CROCC: variants seen among roughly 807,000 people sequenced by gnomAD.
The protein encoded by CROCC is rootletin.
CROCC carries 180 observed loss-of-function variants against 245.2 expected under a neutral mutation model. The observed-to-expected ratio is 0.73, with a 90% confidence interval of 0.65 to 0.83. The LOEUF is 0.83. Ranked by LOEUF, CROCC falls within the 40% of genes least tolerant of loss-of-function variation. CROCC has a pLI of 0.00. For synonymous variants in CROCC, 1,205 were observed against 1,241.6 expected (o/e 0.97, Z 0.62); for missense variants, 2,688 against 2,779.4 (o/e 0.97, Z 0.74).
intron 8 of CROCC, among the ~76,000 whole-genome samples, chr1:16,931,951 G>T (rs1257374757): frequency 6.6e-6 from 1 of 150,904 alleles, no homozygotes; most frequent in Non-Finnish European, 1.5e-5. Context: ...TATTTTAGTA[G>T]AGACGGGGTT....
At chr1:16,926,331 G>A (rs1570590412) in intron 3 of CROCC, among the ~76,000 whole-genome samples, 1 of 152,262 alleles carries the variant, frequency 6.6e-6, no homozygotes, top group Non-Finnish European at 1.5e-5. Flanking sequence ...CGGGAGAGGG[G>A]CATGATAGGC....
At chr1:16,921,159 C>T (rs529910746), upstream of CROCC, among the ~76,000 whole-genome samples, 451 of 152,358 alleles carry the variant, frequency 3.0e-3, no homozygotes, top group Admixed American at 7.6e-3. Flanking sequence ...ACTGTTTCAT[C>T]CCCGGACGGC....
At chr1:16,918,520 C>T (rs1466640759), upstream of CROCC, among the ~76,000 whole-genome samples, 12 of 152,314 alleles carry the variant, frequency 7.9e-5, no homozygotes, top group Admixed American at 2.6e-4. Context: ...ACAGAATAAT[C>T]CAGTTCAGTC....
intron 10 of CROCC, among the ~76,000 whole-genome samples, chr1:16,938,116 GGGTACAGCCT>G (rs2075832862): frequency 6.6e-6 from 1 of 152,276 alleles, no homozygotes; most frequent in African/African-American, 2.4e-5. Flanking sequence ...CACTCCCCCA[GGGTACAGCCT>G]GGTTTGGTCA....
At chr1:16,946,517 C>CCTGGTTCTCTGTCTGTCT (rs1300639282) in intron 16 of CROCC, 112 bp downstream of exon 16, 2 of 1,430,160 alleles carry the variant, frequency 1.4e-6, no homozygotes, top group African/African-American at 2.8e-5. Context: ...CCTTTCTGTC[C>CCTGGTTCTCTGTCTGTCT]CTGGTTCTCT....
intron 26 of CROCC, 47 bp from the exon 27 acceptor site, chr1:16,960,711 G>T: frequency 7.0e-7 from 1 of 1,437,570 alleles, no homozygotes; most frequent in East Asian, 2.8e-5. Flanking sequence ...GTGGGGCGTC[G>T]GGTTGGGAGA....
chr1:16,914,231 A>G (rs2075280691), intron 1 of CROCC, among the ~76,000 whole-genome samples: 1 of 152,040 alleles, frequency 6.6e-6, no homozygotes, highest in Non-Finnish European at 1.5e-5. Flanking sequence ...GGAGCCACGT[A>G]CCGGGGCTGG....
In CROCC at chr1:16,954,683, C is replaced by T. The variant is rs375970169; in HGVS notation, c.3322-51C>T. ...TGCACTGAGCGGGTTGGGAGCAGCC[C>T]GGGGCTGGGGGACACAGCAGGACCA... is the stretch of plus-strand genomic sequence containing the variant. On this transcript the variant is annotated intron_variant, in intron 22 of 36. Coordinates refer to ENST00000375541, the MANE Select transcript of CROCC (RefSeq NM_014675.5). This position sits in a 1 kb window ranked among gnomAD's most constrained non-coding sequence, Gnocchi z 4.4. 66 of 1,503,860 alleles carry T rather than the reference C, an allele frequency of 4.4e-5. No homozygotes were observed. The East Asian group carries it at 6.7e-4, about 15-fold the overall frequency. 93.2% of individuals were successfully genotyped at this position (1,503,860 alleles called of 1,614,324 possible).
At position 16,924,469 on chromosome 1, in the gene CROCC, T is replaced by A. The variant is rs769729102; in HGVS notation, c.341T>A (p.Val114Asp). ...RDELAIKYNA[V>D]SERLEQALRL... ...GAGCTCGCCATTAAGTACAATGCGG[T>A]CAGCGAGAGGGTGGGTGCCGCCCAG... Residue 114 changes from valine to aspartate, a missense_variant, in exon 3 of 37, where the codon GTC becomes GAC. Around this residue, in one of 9 missense-constraint regions of CROCC, gnomAD observed 972 missense variants for 895.3 expected, o/e 1.09. Coordinates refer to ENST00000375541, the MANE Select transcript of CROCC (RefSeq NM_014675.5). 6 of 1,611,828 alleles carry A rather than the reference T, an allele frequency of 3.7e-6. No homozygotes were observed. In the Admixed American group the frequency reaches 8.3e-5, roughly 22 times the overall value.
chr1:16,936,995 C>G, intron 9 of CROCC, 122 bp downstream of exon 9: 2 of 1,076,384 alleles, frequency 1.9e-6, no homozygotes, highest in Admixed American at 4.4e-5. Context: ...CTCAGCCAGT[C>G]TTCCCATGCA....
At position 16,968,395 on chromosome 1, in the gene CROCC, C is replaced by T. The variant is rs762491757; in HGVS notation, c.5053C>T (p.Arg1685Trp). 64 of 1,496,700 alleles carry T rather than the reference C, an allele frequency of 4.3e-5. No individual in the cohort carries two copies. Among genetic ancestry groups the T allele is most frequent in the Admixed American group, 1.2e-4 (5 of 41,544 alleles). 92.7% of individuals were successfully genotyped at this position (1,496,700 alleles called of 1,614,324 possible). A position where few individuals can be genotyped will look rare whatever the true frequency, so the allele number is the denominator to read the frequency against. ...REAQAQALQD[R>W]VDSLQRQVAD... Reference sequence around the variant, plus strand: ...GGCCCAAGCCCAGGCCCTCCAGGATCGGGTGGATTCCCTGCAGAGACAGGT... The same window carrying T: ...GGCCCAAGCCCAGGCCCTCCAGGATTGGGTGGATTCCCTGCAGAGACAGGT... The change falls in exon 31 of 37, where the codon CGG (arginine) becomes TGG (tryptophan). Residue 1685 changes from arginine to tryptophan, a missense_variant. Transcript: ENST00000375541.
intron 17 of CROCC, among the ~76,000 whole-genome samples, 172 bp from the exon 18 acceptor site, chr1:16,948,159 C>G (rs573210281): frequency 6.6e-6 from 1 of 152,300 alleles, no homozygotes; most frequent in Non-Finnish European, 1.5e-5. Flanking sequence ...ACGTGCATTG[C>G]AGATCTAGAG....
At chr1:16,957,264 A>G (rs2076263449) in intron 25 of CROCC, among the ~76,000 whole-genome samples, 1 of 151,960 alleles carries the variant, frequency 6.6e-6, no homozygotes, top group South Asian at 2.1e-4. Context: ...AAAAATAGCT[A>G]GGTGTGGTGA....
chr1:16,932,085 C>A (rs1334148837), intron 8 of CROCC, among the ~76,000 whole-genome samples: 3 of 152,228 alleles, frequency 2.0e-5, no homozygotes, highest in African/African-American at 4.8e-5. Flanking sequence ...TGATTTTAAT[C>A]CACTAGAATA....
chr1:16,966,701 G>C lies in CROCC; in HGVS notation c.4860+130G>C. 5.7e-6 allele frequency: 6 copies of C among 1,061,164 alleles called. No homozygotes were observed. Among genetic ancestry groups the C allele is most frequent in the Non-Finnish European group, 7.7e-6 (6 of 779,282 alleles). 65.7% of individuals were successfully genotyped at this position (1,061,164 alleles called of 1,614,324 possible). A position where few individuals can be genotyped will look rare whatever the true frequency, so the allele number is the denominator to read the frequency against. ...TGCAACCCACTGAGGTGACCAGCCT[G>C]TGACTCTGTGAAACCATGTTCAGAC... is the stretch of plus-strand genomic sequence containing the variant. On this transcript the variant is annotated intron_variant, in intron 30 of 36. Transcript: ENST00000375541. The surrounding 1 kb of genome is among the most constrained non-coding windows in gnomAD (Gnocchi z 4.8).
At chr1:16,951,151 G>A (rs769389575) in intron 20 of CROCC, 29 bp downstream of exon 20, 15 of 1,451,216 alleles carry the variant, frequency 1.0e-5, no homozygotes, top group African/African-American at 7.2e-5. Context: ...GGGTGGGCAG[G>A]ACTCTGAGCC....
chr1:16,954,640 A>G lies in CROCC; in HGVS notation c.3322-94A>G, dbSNP rs2076218265. 4.2e-6 allele frequency: 6 copies of G among 1,433,340 alleles called. No individual in the cohort carries two copies. In the South Asian group the frequency reaches 8.7e-5, roughly 21 times the overall value. 88.8% of individuals were successfully genotyped at this position (1,433,340 alleles called of 1,614,324 possible). ...CAGGCCAGCGGGAGGGGCCGTGTTT[A>G]GAGCTAAAAGTGGACAGTGCACTGA... is the stretch of plus-strand genomic sequence containing the variant. On this transcript the variant is annotated intron_variant, in intron 22 of 36. Coordinates refer to ENST00000375541, the MANE Select transcript of CROCC (RefSeq NM_014675.5). The surrounding 1 kb of genome is among the most constrained non-coding windows in gnomAD (Gnocchi z 4.4).
intron 27 of CROCC, among the ~76,000 whole-genome samples, chr1:16,964,586 T>C (rs1037393216): frequency 1.3e-5 from 2 of 152,148 alleles, no homozygotes; most frequent in Non-Finnish European, 2.9e-5. Flanking sequence ...GTTTTCACCA[T>C]GTTGGCCAGG....
intron 13 of CROCC, among the ~76,000 whole-genome samples, chr1:16,943,574 T>C (rs1171081561): frequency 6.6e-6 from 1 of 152,232 alleles, no homozygotes; most frequent in Non-Finnish European, 1.5e-5. Context: ...GCTGTGAAGT[T>C]TTTTCGCACC....
Sources: allele counts gnomAD v4.1 joint callset (sites outside exome capture counted in the v4.1 genomes callset), GRCh38; gene constraint gnomAD v4.1.1; regional missense constraint gnomAD v4.1.1; non-coding constraint Gnocchi (gnomAD v3.1); transcripts MANE v1.5; gene names NCBI Gene and HGNC (gene_info 2026-07-23, HGNC 2026-07-21).